RREB1: variants seen among roughly 807,000 people sequenced by gnomAD.
The protein encoded by RREB1 is ras responsive element binding protein 1.
RREB1 carries 27 observed loss-of-function variants against 117.8 expected under a neutral mutation model. The observed-to-expected ratio is 0.23, with a 90% CI of 0.17 to 0.32. The LOEUF is 0.32. Ranked by LOEUF, RREB1 falls within the 10% of genes least tolerant of loss-of-function variation. RREB1 has a pLI of 1.00. For synonymous variants in RREB1, 1,298 were observed against 1,026.7 expected (o/e 1.26, Z -5.05); for missense variants, 2,577 against 2,378.2 (o/e 1.08, Z -1.74).
intron 6 of RREB1, among the ~76,000 whole-genome samples, chr6:7,196,422 T>C (rs1214527964): frequency 6.6e-6 from 1 of 152,020 alleles, no homozygotes; most frequent in East Asian, 1.9e-4. Flanking sequence ...ACTCAGTCTT[T>C]TTGTAGAGTT....
chr6:7,148,655 CA>C (rs989919422), intron 1 of RREB1, among the ~76,000 whole-genome samples: 2 of 152,022 alleles, frequency 1.3e-5, no homozygotes, highest in African/African-American at 4.8e-5. Flanking sequence ...ATTGATTCAC[CA>C]TGCTATGCTT....
In RREB1 at chr6:7,183,147, A is replaced by T. The variant is rs796450535; in HGVS notation, c.171+1065A>T. On this transcript the variant is annotated intron_variant, in intron 4 of 12. Coordinates refer to ENST00000379938, the MANE Select transcript of RREB1 (RefSeq NM_001003699.4). ...GCATTTCTCCACACCTTGCTGAAGGATGGGGACTTGGCAGAGTTCAGTGAT... is the reference window on the plus strand; with the variant it reads ...GCATTTCTCCACACCTTGCTGAAGGTTGGGGACTTGGCAGAGTTCAGTGAT... The T allele has an allele frequency of 5.3e-4, 81 of 152,318 alleles. 1 individual carries two copies. Among genetic ancestry groups the T allele is most frequent in the African/African-American group, 1.8e-3 (76 of 41,560 alleles). The allele number at this position is 152,318 out of a possible 1,614,324, so 9.4% of individuals were successfully genotyped here. A position where few individuals can be genotyped will look rare whatever the true frequency, so the allele number is the denominator to read the frequency against.
chr6:7,231,797 G>T lies in RREB1; in HGVS notation c.3698G>T (p.Arg1233Met). ...AGTCCCCCAGAAGACAAGCTGCTGA[G>T]GGCCAAGCGGAACTCGTACACCAAC... ...QGSPPEDKLLRAKRNSYTNCL... is the reference protein window; with the variant it reads ...QGSPPEDKLLMAKRNSYTNCL... Residue 1233 changes from arginine (R) to methionine (M), a missense_variant, in exon 10 of 13, where the codon AGG (arginine) becomes ATG (methionine). Coordinates refer to ENST00000379938, the MANE Select transcript of RREB1 (RefSeq NM_001003699.4). 6.2e-7 allele frequency: 1 copy of T among 1,613,762 alleles called. No individual in the cohort carries two copies. Among genetic ancestry groups the T allele is most frequent in the Non-Finnish European group, 8.5e-7 (1 of 1,180,034 alleles).
intron 1 of RREB1, among the ~76,000 whole-genome samples, chr6:7,110,791 TAA>T (rs1422921841): frequency 6.6e-6 from 1 of 152,248 alleles, no homozygotes; most frequent in Admixed American, 6.5e-5. Flanking sequence ...GTCTTGTTTT[TAA>T]AGAGGATTTG....
chr6:7,165,042 C>T (rs1217843421), intron 1 of RREB1, among the ~76,000 whole-genome samples: 2 of 152,134 alleles, frequency 1.3e-5, no homozygotes, highest in Non-Finnish European at 2.9e-5. Flanking sequence ...CTAAGTGAGC[C>T]CTGAAAGTAA....
chr6:7,137,257 C>G (rs1231511721), intron 1 of RREB1, among the ~76,000 whole-genome samples: 1 of 152,152 alleles, frequency 6.6e-6, no homozygotes, highest in Non-Finnish European at 1.5e-5. Context: ...GATGCCTCTC[C>G]CTTCCCCCCT....
chr6:7,230,124 C>T lies in RREB1; in HGVS notation c.2025C>T (p.Ile675=), dbSNP rs927989993. 1.2e-6 allele frequency: 2 copies of T among 1,604,662 alleles called. No homozygotes were observed. Among genetic ancestry groups the T allele is most frequent in the Non-Finnish European group, 1.7e-6 (2 of 1,176,532 alleles). ...HLGISPYQCN[I]CDYIAADKAA... ...GCATCTCGCCATACCAGTGCAACATCTGCGACTACATCGCCGCCGACAAGG... is the reference window on the plus strand; with the variant it reads ...GCATCTCGCCATACCAGTGCAACATTTGCGACTACATCGCCGCCGACAAGG... The change falls in exon 10 of 13, where the codon ATC becomes ATT. Residue 675 remains isoleucine, a synonymous_variant. Coordinates refer to ENST00000379938, the MANE Select transcript of RREB1 (RefSeq NM_001003699.4).
chr6:7,172,497 C>T (rs1581487567), intron 1 of RREB1, among the ~76,000 whole-genome samples: 1 of 152,200 alleles, frequency 6.6e-6, no homozygotes. Flanking sequence ...ATCCTCCTGC[C>T]TCTCCGTCCC....
intron 1 of RREB1, among the ~76,000 whole-genome samples, chr6:7,135,530 C>T (rs1190751297): frequency 1.3e-5 from 2 of 152,070 alleles, no homozygotes. Flanking sequence ...ACAGCTGATG[C>T]CTCTTTCATT....
intron 1 of RREB1, among the ~76,000 whole-genome samples, chr6:7,168,919 C>A (rs1340367585): frequency 6.7e-6 from 1 of 148,178 alleles, no homozygotes; most frequent in East Asian, 1.9e-4. Flanking sequence ...CTAATCATTA[C>A]CTTACAAGAT....
intron 1 of RREB1, among the ~76,000 whole-genome samples, chr6:7,148,024 T>C (rs1355746624): frequency 6.6e-6 from 1 of 152,160 alleles, no homozygotes; most frequent in Non-Finnish European, 1.5e-5. Flanking sequence ...ATTGCTTATG[T>C]AGAGGTCGCT....
chr6:7,223,094 A>C (rs893567705), intron 8 of RREB1, among the ~76,000 whole-genome samples: 1 of 151,806 alleles, frequency 6.6e-6, no homozygotes, highest in African/African-American at 2.4e-5. Context: ...GTCTCTACAA[A>C]AAATTTTAAA....
intron 10 of RREB1, among the ~76,000 whole-genome samples, chr6:7,239,149 A>G (rs577151695): frequency 1.9e-4 from 29 of 152,328 alleles, no homozygotes; most frequent in African/African-American, 7.0e-4. Context: ...ATCGACATTA[A>G]TCTAACGCCA....
rs954670200 is a variant in RREB1 at position 7,146,195 on chromosome 6, T to C, written c.-284-30460T>C. Among the ~76,000 whole-genome samples the C allele has an allele frequency of 2.0e-5, 3 of 152,180 alleles. No individual in the cohort carries two copies. In the South Asian group the frequency reaches 6.2e-4, roughly 31 times the overall value. On this transcript the variant is annotated intron_variant, in intron 1 of 12. Transcript: ENST00000379938. ...ATAAAACACTTTGTGGAGCCTGTTG[T>C]GTGAGAAGCAGGCAGCGGCTGTGGG...
In RREB1 at chr6:7,187,463, C is replaced by G. The variant is rs780343869; in HGVS notation, c.201C>G (p.Asn67Lys). 6.2e-7 allele frequency: 1 copy of G among 1,606,054 alleles called. No individual in the cohort carries two copies. The change falls in exon 5 of 13, where the codon AAC becomes AAG. Residue 67 changes from asparagine to lysine, a missense_variant. Coordinates refer to ENST00000379938, the MANE Select transcript of RREB1 (RefSeq NM_001003699.4). ...CGAAAGAGGAGAAGTCTTCCTATAA[C>G]TGCCCCCTGTGTGAGAAGATTTGCA... is the stretch of plus-strand genomic sequence containing the variant. ...QETKEEKSSY[N>K]CPLCEKICTT...
Position 7,231,723 on chromosome 6 carries a change from G to A in RREB1, c.3624G>A (p.Val1208=). 2 of 1,613,724 alleles carry A rather than the reference G, an allele frequency of 1.2e-6. No homozygotes were observed. The highest frequency in any genetic ancestry group is 1.7e-6 in the Non-Finnish European group (2 of 1,179,978). ...CGGAGGACAACACTCAGGATGAGGTGGCCGGAGCCCCTGCCGACCACCATG... is the reference window on the plus strand; with the variant it reads ...CGGAGGACAACACTCAGGATGAGGTAGCCGGAGCCCCTGCCGACCACCATG... The part of the protein sequence containing the change: ...QTAEDNTQDE[V]AGAPADHHGP... Residue 1208 remains valine, a synonymous_variant, in exon 10 of 13, where the codon GTG becomes GTA. Coordinates refer to ENST00000379938, the MANE Select transcript of RREB1 (RefSeq NM_001003699.4).
At chr6:7,118,801 ATTTTTTTTTTTTTTT>A (rs70978942) in intron 1 of RREB1, among the ~76,000 whole-genome samples, 1 of 47,056 alleles carries the variant, frequency 2.1e-5, no homozygotes, top group African/African-American at 9.2e-5. Flanking sequence ...GTTTTTTTTA[ATTTTTTTTTTTTTTT>A]TTTTTTTTTT....
chr6:7,196,009 C>A (rs1295418300), intron 6 of RREB1, among the ~76,000 whole-genome samples: 1 of 152,188 alleles, frequency 6.6e-6, no homozygotes, highest in Non-Finnish European at 1.5e-5. Flanking sequence ...GTGCTCTGCT[C>A]CTCAACAGCA....
intron 1 of RREB1, among the ~76,000 whole-genome samples, chr6:7,157,640 T>A (rs190483669): frequency 3.9e-5 from 6 of 151,902 alleles, no homozygotes; most frequent in Non-Finnish European, 5.9e-5. Context: ...GGTGTGGTGG[T>A]GCGCACCTGT....
Sources: allele counts gnomAD v4.1 joint callset (sites outside exome capture counted in the v4.1 genomes callset), GRCh38; gene constraint gnomAD v4.1.1; transcripts MANE v1.5; gene names NCBI Gene and HGNC (gene_info 2026-07-23, HGNC 2026-07-21).